Variants in EPHB1 observed in about 807,000 individuals in gnomAD.
The protein encoded by EPHB1 is ephrin type-B receptor 1.
In EPHB1, 30 loss-of-function variants were observed where a neutral mutation model predicts 94.4. The ratio of observed to expected loss-of-function variants is 0.32; its 90% CI spans 0.24 to 0.43. The LOEUF is 0.43. Among genes scored for constraint, EPHB1 ranks in the 20% least tolerant of loss-of-function variants. The pLI, the probability that EPHB1 is intolerant of heterozygous loss-of-function variation, is 1.00. For synonymous variants in EPHB1, 522 were observed against 489.1 expected (o/e 1.07, Z -0.89); for missense variants, 1,055 against 1,308.3 (o/e 0.81, Z 2.99).
Position 134,877,611 on chromosome 3 carries a change from G to C in EPHB1, c.59-48205G>C, listed in dbSNP as rs199802460. On this transcript the variant is annotated intron_variant, in intron 1 of 15. Transcript: ENST00000398015. ...CAAGAAAATTGTTACTGACAACAAA[G>C]AAACTAGGTTTGTGAATAATTTACT... is the stretch of plus-strand genomic sequence containing the variant. Among the ~76,000 whole-genome samples, 10 of 152,298 alleles carry C rather than the reference G, an allele frequency of 6.6e-5. No individual in the cohort carries two copies. The East Asian group carries it at 1.9e-3, about 29-fold the overall frequency.
At chr3:135,020,921 A>G (rs968837020) in intron 3 of EPHB1, among the ~76,000 whole-genome samples, 5 of 152,046 alleles carry the variant, frequency 3.3e-5, no homozygotes, top group African/African-American at 7.2e-5. Flanking sequence ...TTTTTTCCCA[A>G]TAGTCAATTG....
At chr3:134,946,990 C>T (rs548289509) in intron 2 of EPHB1, among the ~76,000 whole-genome samples, 31 of 152,290 alleles carry the variant, frequency 2.0e-4, no homozygotes, top group African/African-American at 7.2e-4. Context: ...TTCATATATC[C>T]GTTGCACCCC....
intron 5 of EPHB1, among the ~76,000 whole-genome samples, chr3:135,151,100 CAGCTA>C (rs1384054110): frequency 6.6e-6 from 1 of 152,220 alleles, no homozygotes; most frequent in Non-Finnish European, 1.5e-5. Flanking sequence ...CATTGTTTCC[CAGCTA>C]TATTACTACA....
chr3:134,885,876 C>G (rs750020838), intron 1 of EPHB1, among the ~76,000 whole-genome samples: 9 of 152,108 alleles, frequency 5.9e-5, no homozygotes, highest in Non-Finnish European at 1.2e-4. Context: ...TGCGTGTGAG[C>G]CTGAAGATGG....
intron 1 of EPHB1, among the ~76,000 whole-genome samples, chr3:134,826,910 C>A (rs1394012140): frequency 1.3e-5 from 2 of 152,176 alleles, no homozygotes; most frequent in African/African-American, 4.8e-5. Flanking sequence ...ACATCTGACG[C>A]AACATCCATG....
intron 1 of EPHB1, among the ~76,000 whole-genome samples, chr3:134,903,491 T>C (rs1486230491): frequency 6.6e-6 from 1 of 152,254 alleles, no homozygotes; most frequent in Non-Finnish European, 1.5e-5. Flanking sequence ...ACCGGCACTT[T>C]TAGCAGCATC....
At chr3:134,982,161 C>T (rs958941964) in intron 3 of EPHB1, among the ~76,000 whole-genome samples, 32 of 152,172 alleles carry the variant, frequency 2.1e-4, no homozygotes, top group Non-Finnish European at 3.7e-4. Flanking sequence ...ATCTTTAATG[C>T]TCACGCAATT....
chr3:135,163,575 A>G (rs1231195842), intron 7 of EPHB1, among the ~76,000 whole-genome samples: 1 of 152,162 alleles, frequency 6.6e-6, no homozygotes, highest in Non-Finnish European at 1.5e-5. Flanking sequence ...TCTGTCCTCC[A>G]CTTTGCACCT....
chr3:135,106,327 G>A (rs1347707150), intron 3 of EPHB1, 121 bp from the exon 4 acceptor site: 1 of 1,070,950 alleles, frequency 9.3e-7, no homozygotes, highest in African/African-American at 1.6e-5. Context: ...GATCTCCCTT[G>A]GTACGAGAGG....
chr3:135,227,895 G>C (rs1943438202), intron 12 of EPHB1, among the ~76,000 whole-genome samples: 2 of 151,682 alleles, frequency 1.3e-5, no homozygotes, highest in African/African-American at 4.9e-5. Context: ...TTCTCTCTCT[G>C]TAAAATATTT....
At chr3:135,229,265 T>C (rs1044512198) in intron 12 of EPHB1, among the ~76,000 whole-genome samples, 1 of 152,140 alleles carries the variant, frequency 6.6e-6, no homozygotes, top group African/African-American at 2.4e-5. Context: ...CTGAGATAAT[T>C]AAGTATTATT....
intron 1 of EPHB1, among the ~76,000 whole-genome samples, chr3:134,877,575 G>A (rs1008950530): frequency 2.0e-5 from 3 of 152,176 alleles, no homozygotes; most frequent in Admixed American, 1.3e-4. Flanking sequence ...CATCGGTCAG[G>A]AGATAAGCCA....
chr3:135,160,920 G>A (rs560245870), intron 6 of EPHB1, among the ~76,000 whole-genome samples: 1 of 152,230 alleles, frequency 6.6e-6, no homozygotes, highest in East Asian at 1.9e-4. Context: ...GCAAAGATGT[G>A]GTCCCCGGAT....
Position 134,997,418 on chromosome 3 carries a change from T to A in EPHB1, c.805+45366T>A, listed in dbSNP as rs1182665675. ...TATCTTTAATTCAGTAACATTTTAT[T>A]ACACTATGTCTTTCATTTCTCTTCT... is the stretch of plus-strand genomic sequence containing the variant. On this transcript the variant is annotated intron_variant, in intron 3 of 15. Transcript: ENST00000398015. Among the ~76,000 whole-genome samples, 3 of 152,246 alleles carry A rather than the reference T, an allele frequency of 2.0e-5. No homozygotes were observed. In the East Asian group the frequency reaches 5.8e-4, roughly 29 times the overall value.
intron 3 of EPHB1, among the ~76,000 whole-genome samples, chr3:134,962,645 A>T (rs1439695013): frequency 6.6e-6 from 1 of 151,850 alleles, no homozygotes. Flanking sequence ...GCCCTGCCGC[A>T]TGCATCTCTC....
chr3:135,220,502 G>A (rs1385524438), intron 12 of EPHB1, among the ~76,000 whole-genome samples: 2 of 152,038 alleles, frequency 1.3e-5, no homozygotes, highest in Non-Finnish European at 1.5e-5. Context: ...AAAGAAAAAA[G>A]GGCGTAGAGA....
intron 4 of EPHB1, among the ~76,000 whole-genome samples, chr3:135,131,876 C>T (rs73862020): frequency 2.6e-5 from 4 of 152,090 alleles, no homozygotes; most frequent in Middle Eastern, 3.2e-3. Context: ...TTTGGAATCC[C>T]GCAGGTATGG....
chr3:134,914,034 T>C (rs2038513222), intron 1 of EPHB1, among the ~76,000 whole-genome samples: 1 of 151,976 alleles, frequency 6.6e-6, no homozygotes, highest in African/African-American at 2.4e-5. Context: ...CATCTGTGGT[T>C]GTGCAGGAGT....
chr3:135,243,726 G>T (rs1475561442), intron 13 of EPHB1, among the ~76,000 whole-genome samples: 1 of 152,188 alleles, frequency 6.6e-6, no homozygotes, highest in Non-Finnish European at 1.5e-5. Flanking sequence ...GAAGAGAATT[G>T]CAGAGGCAAG....
Sources: allele counts gnomAD v4.1 joint callset (sites outside exome capture counted in the v4.1 genomes callset), GRCh38; gene constraint gnomAD v4.1.1; transcripts MANE v1.5; gene names NCBI Gene and HGNC (gene_info 2026-07-23, HGNC 2026-07-21).